The following CATSPERD variants were observed in gnomAD, a reference collection of about 807,000 sequenced individuals.
CATSPERD encodes the protein catsper channel auxiliary subunit delta.
CATSPERD carries 86 observed loss-of-function variants against 98.1 expected under a neutral mutation model. That is an observed-to-expected ratio of 0.88 (90% confidence interval 0.74 to 1.05). CATSPERD has a LOEUF of 1.05. Among genes scored for constraint, CATSPERD ranks in the 50% least tolerant of loss-of-function variants. CATSPERD has a pLI of 0.00. For missense variants in CATSPERD, 995 were observed against 1,005.7 expected, an observed-to-expected ratio of 0.99 and a Z score of 0.14; for synonymous variants, 394 against 390.2, an observed-to-expected ratio of 1.01 and a Z score of -0.12.
At chr19:5,729,729 C>A in intron 3 of CATSPERD, 143 bp from the exon 4 acceptor site, 1 of 561,214 alleles carries the variant, frequency 1.8e-6, no homozygotes, top group Non-Finnish European at 3.2e-6. Context: ...TTTATTTATG[C>A]AAAATAAGTA....
At chr19:5,776,009 C>A in intron 20 of CATSPERD, 152 bp from the exon 21 acceptor site, 1 of 739,762 alleles carries the variant, frequency 1.4e-6, no homozygotes, top group Non-Finnish European at 2.2e-6. Flanking sequence ...GGAGCATGAA[C>A]CTGCCCACAC....
chr19:5,762,183 C>T (rs560553175), intron 15 of CATSPERD, among the ~76,000 whole-genome samples: 3 of 146,484 alleles, frequency 2.0e-5, no homozygotes, highest in Non-Finnish European at 3.0e-5. Flanking sequence ...TGTGTCTTGG[C>T]CTCCCAGGTA....
At chr19:5,775,664 AAAAGAAAGAAAAG>A (rs1259084479) in intron 20 of CATSPERD, among the ~76,000 whole-genome samples, 2 of 150,198 alleles carry the variant, frequency 1.3e-5, no homozygotes, top group East Asian at 3.9e-4. Flanking sequence ...AAAAAAAAAA[AAAAGAAAGAAAAG>A]AAAGAAAGAA....
At chr19:5,759,763 T>C (rs2056399294) in intron 15 of CATSPERD, among the ~76,000 whole-genome samples, 1 of 150,950 alleles carries the variant, frequency 6.6e-6, no homozygotes, top group African/African-American at 2.4e-5. Context: ...CATCGCAATA[T>C]GACTCAGACT....
At chr19:5,743,893 C>A (rs1372619512) in intron 7 of CATSPERD, among the ~76,000 whole-genome samples, 1 of 152,308 alleles carries the variant, frequency 6.6e-6, no homozygotes, top group Non-Finnish European at 1.5e-5. Flanking sequence ...ACTCAGGCAG[C>A]CTTCTAGCAG....
rs767046699 is a variant in CATSPERD, at chr19:5,724,815, A to C, written c.79A>C (p.Thr27Pro). ...LVTAQLCRSRTVRTGKVFNLI... is the reference protein window; with the variant it reads ...LVTAQLCRSRPVRTGKVFNLI... ...CTTTCTTGTCACTTCTAGTTCTCGCACAGTGAGGACAGGAAAAGTGTTTAA... is the reference window on the plus strand; with the variant it reads ...CTTTCTTGTCACTTCTAGTTCTCGCCCAGTGAGGACAGGAAAAGTGTTTAA... The change falls in exon 2 of 22, where the codon ACA becomes CCA. Residue 27 changes from threonine to proline, a missense_variant. Physicochemically the swap from Thr to Pro is conservative, Grantham distance 38. Transcript: ENST00000381624. 8 of 1,614,028 alleles carry C rather than the reference A, an allele frequency of 5.0e-6. No homozygotes were observed. Among genetic ancestry groups the C allele is most frequent in the Non-Finnish European group, 6.8e-6 (8 of 1,179,908 alleles).
intron 21 of CATSPERD, among the ~76,000 whole-genome samples, chr19:5,776,999 C>G (rs2056751629): frequency 1.3e-5 from 2 of 152,140 alleles, no homozygotes; most frequent in South Asian, 4.1e-4. Flanking sequence ...GGAGGCCTTT[C>G]CCCTCTGAGA....
chr19:5,745,823 T>G (rs1377470074), intron 8 of CATSPERD, 90 bp from the exon 9 acceptor site: 5 of 1,371,616 alleles, frequency 3.6e-6, no homozygotes, highest in African/African-American at 2.9e-5. Context: ...CCCCTGCACC[T>G]GCTAGCCAGA....
intron 3 of CATSPERD, among the ~76,000 whole-genome samples, chr19:5,728,780 C>T (rs559376663): frequency 9.3e-5 from 14 of 150,964 alleles, no homozygotes; most frequent in African/African-American, 3.4e-4. Flanking sequence ...CTCACTGCAA[C>T]CTCCGCCTCC....
chr19:5,765,649 T>A (rs2056524481), intron 16 of CATSPERD, among the ~76,000 whole-genome samples: 1 of 151,690 alleles, frequency 6.6e-6, no homozygotes, highest in South Asian at 2.1e-4. Flanking sequence ...CCGTCTCTAC[T>A]AAAAATACAA....
intron 6 of CATSPERD, 25 bp downstream of exon 6, chr19:5,737,230 A>ATT: frequency 1.3e-6 from 2 of 1,487,392 alleles, no homozygotes; most frequent in East Asian, 2.3e-5. Flanking sequence ...ATAATTGTTC[A>ATT]TTTTTTTTTG....
chr19:5,728,805 T>C (rs1026471743), intron 3 of CATSPERD, among the ~76,000 whole-genome samples: 5 of 151,662 alleles, frequency 3.3e-5, no homozygotes, highest in African/African-American at 1.2e-4. Flanking sequence ...TTCCAGCAAT[T>C]CTTCTGCCTC....
chr19:5,751,615 T>A, intron 11 of CATSPERD, 32 bp from the exon 12 acceptor site: 1 of 1,358,200 alleles, frequency 7.4e-7, no homozygotes, highest in Non-Finnish European at 9.6e-7. Context: ...ACAATTACAA[T>A]GATTAGATCT....
intron 7 of CATSPERD, among the ~76,000 whole-genome samples, chr19:5,742,324 G>T (rs1398652002): frequency 1.6e-5 from 2 of 123,824 alleles, no homozygotes; most frequent in South Asian, 2.5e-4. Flanking sequence ...GTGGGTGTGC[G>T]TGTGCATGTG....
At chr19:5,751,931 G>A in intron 12 of CATSPERD, 108 bp downstream of exon 12, 1 of 1,055,976 alleles carries the variant, frequency 9.5e-7, no homozygotes, top group Non-Finnish European at 1.3e-6. Context: ...AGGAGGCTGA[G>A]GCTGGAGGGT....
intron 7 of CATSPERD, among the ~76,000 whole-genome samples, chr19:5,741,785 C>CAGGGT (rs939602468): frequency 1.6e-4 from 1 of 6,100 alleles, no homozygotes; most frequent in African/African-American, 3.9e-4. Context: ...ATGCTGAAGG[C>CAGGGT]GGGGGGGGGG....
intron 3 of CATSPERD, among the ~76,000 whole-genome samples, chr19:5,729,535 T>C (rs2055673490): frequency 6.6e-6 from 1 of 152,238 alleles, no homozygotes; most frequent in Non-Finnish European, 1.5e-5. Context: ...AAGGAACAAA[T>C]TGTTTATTTC....
intron 19 of CATSPERD, among the ~76,000 whole-genome samples, chr19:5,771,543 G>T (rs1425272673): frequency 6.6e-6 from 1 of 151,392 alleles, no homozygotes; most frequent in Non-Finnish European, 1.5e-5. Flanking sequence ...CGGCCGATGG[G>T]CTTTTCTTTA....
intron 5 of CATSPERD, among the ~76,000 whole-genome samples, chr19:5,735,698 C>T (rs932851772): frequency 2.6e-5 from 4 of 151,928 alleles, no homozygotes; most frequent in African/African-American, 9.6e-5. Context: ...TGATCTCGAT[C>T]TATTTACCTC....
Sources: allele counts gnomAD v4.1 joint callset (sites outside exome capture counted in the v4.1 genomes callset), GRCh38; gene constraint gnomAD v4.1.1; transcripts MANE v1.5; gene names NCBI Gene and HGNC (gene_info 2026-07-23, HGNC 2026-07-21).